The following TIGAR variants were observed in gnomAD, a reference collection of about 807,000 sequenced individuals.
TIGAR encodes fructose-2,6-bisphosphatase TIGAR.
In TIGAR, 7 loss-of-function variants were observed where a neutral mutation model predicts 17.9. That is an observed-to-expected ratio of 0.39 (90% CI 0.22 to 0.73). The LOEUF (loss-of-function observed/expected upper bound fraction) is 0.73. Ranked by LOEUF, TIGAR falls within the 30% of genes least tolerant of loss-of-function variation. The probability of loss-of-function intolerance (pLI) is 0.42; values close to 1 mark genes in which losing one functional copy is unlikely to be tolerated. For missense variants in TIGAR, 258 were observed against 327.4 expected, an observed-to-expected ratio of 0.79 and a Z score of 1.64; for synonymous variants, 94 against 108.6, an observed-to-expected ratio of 0.87 and a Z score of 0.84.
chr12:4,328,896 T>C (rs1591659541), intron 1 of TIGAR, among the ~76,000 whole-genome samples: 1 of 152,188 alleles, frequency 6.6e-6, no homozygotes, highest in East Asian at 1.9e-4. Context: ...ATTTTATTTC[T>C]TTATCATACG....
rs931643681 is a variant in TIGAR, at chr12:4,327,843, T to A, written c.33-3437T>A. Among the ~76,000 whole-genome samples the A allele has an allele frequency of 2.0e-5, 3 of 152,044 alleles. No homozygotes were observed. In the East Asian group the frequency reaches 5.8e-4, roughly 30 times the overall value. On this transcript the variant is annotated intron_variant, in intron 1 of 5. Transcript: ENST00000179259. ...CCACCACGCCCAGCTAATTTTTGTA[T>A]TTTTGGTAGAGACGGGGTTTCACCA...
At chr12:4,346,768 T>TAA (rs533728739) in intron 3 of TIGAR, among the ~76,000 whole-genome samples, 1 of 150,592 alleles carries the variant, frequency 6.6e-6, no homozygotes, top group Non-Finnish European at 1.5e-5. Context: ...AAATATATAT[T>TAA]AAAAAAAAAT....
chr12:4,349,781 ATTT>A (rs1864817862), intron 3 of TIGAR, 35 bp from the exon 4 acceptor site: 2 of 1,479,524 alleles, frequency 1.4e-6, no homozygotes, highest in Non-Finnish European at 1.9e-6. Context: ...AATGGTGATT[ATTT>A]TTATAAAGAA....
intron 3 of TIGAR, 31 bp from the exon 4 acceptor site, chr12:4,349,788 T>G (rs1864817937): frequency 2.0e-6 from 3 of 1,507,502 alleles, no homozygotes; most frequent in Admixed American, 4.0e-5. Context: ...ATTATTTTTA[T>G]AAAGAAAGAA....
intron 1 of TIGAR, among the ~76,000 whole-genome samples, chr12:4,322,360 G>A (rs899554398): frequency 6.6e-6 from 1 of 152,236 alleles, no homozygotes; most frequent in Non-Finnish European, 1.5e-5. Flanking sequence ...CTAAGAGCCA[G>A]GTAGCCTGGA....
chr12:4,356,172 T>G lies in TIGAR; in HGVS notation c.*3481T>G, dbSNP rs934791444. On this transcript the variant is annotated 3_prime_UTR_variant, in exon 6 of 6. Coordinates refer to ENST00000179259, the MANE Select transcript of TIGAR (RefSeq NM_020375.3). Reference sequence around the variant, plus strand: ...TTGGAGGCAGGGAAGATGGCAGCACTGGCTGTTGGGCCATTTGAAGAAGCA... The same window carrying G: ...TTGGAGGCAGGGAAGATGGCAGCACGGGCTGTTGGGCCATTTGAAGAAGCA... 1.1e-4 allele frequency among the ~76,000 whole-genome samples: 16 copies of G among 152,156 alleles called. No individual in the cohort carries two copies. The highest frequency in any genetic ancestry group is 3.6e-4 in the African/African-American group (15 of 41,434).
intron 5 of TIGAR, among the ~76,000 whole-genome samples, chr12:4,352,052 C>T (rs1376397722): frequency 1.3e-5 from 2 of 152,044 alleles, no homozygotes; most frequent in Non-Finnish European, 2.9e-5. Flanking sequence ...CTCCATGGTG[C>T]TTTTGTAATT....
chr12:4,321,378 G>A lies in TIGAR; in HGVS notation c.32+75G>A, dbSNP rs1335479028. The stretch of plus-strand genomic sequence containing the variant: ...GTTGGAGCGGGTGAAGGGAAAACGG[G>A]TCCACCACCCTCTCCCCTCCCTGCT... On this transcript the variant is annotated intron_variant, in intron 1 of 5. Coordinates refer to ENST00000179259, the MANE Select transcript of TIGAR (RefSeq NM_020375.3). The surrounding 1 kb of genome is among the most constrained non-coding windows in gnomAD (Gnocchi z 5.2). 8.8e-6 allele frequency: 14 copies of A among 1,582,902 alleles called. No individual in the cohort carries two copies. The highest frequency in any genetic ancestry group is 1.2e-5 in the Non-Finnish European group (14 of 1,167,144).
Position 4,357,919 on chromosome 12 carries a change from C to G in TIGAR, c.*5228C>G, listed in dbSNP as rs1341163310. Among the ~76,000 whole-genome samples, 1 of 151,586 alleles carries G rather than the reference C, an allele frequency of 6.6e-6. No individual in the cohort carries two copies. The highest frequency in any genetic ancestry group is 1.5e-5 in the Non-Finnish European group (1 of 67,930). ...GAGATAGAGACCATCCTGGCTAACA[C>G]AGTGAAACCTCGTCTCCACTGAAAA... is the stretch of plus-strand genomic sequence containing the variant. On this transcript the variant is annotated 3_prime_UTR_variant, in exon 6 of 6. Transcript: ENST00000179259.
intron 3 of TIGAR, among the ~76,000 whole-genome samples, chr12:4,348,143 A>G (rs902413108): frequency 1.3e-5 from 2 of 152,164 alleles, no homozygotes; most frequent in Non-Finnish European, 1.5e-5. Context: ...CTCAAAAAAA[A>G]AAGTCCCTTT....
At chr12:4,324,151 C>G (rs1273252214) in intron 1 of TIGAR, among the ~76,000 whole-genome samples, 1 of 152,166 alleles carries the variant, frequency 6.6e-6, no homozygotes, top group African/African-American at 2.4e-5. Flanking sequence ...TCAAGTCTAT[C>G]ATCATTGTCA....
intron 1 of TIGAR, among the ~76,000 whole-genome samples, chr12:4,324,213 C>T (rs1456451055): frequency 1.3e-5 from 2 of 152,066 alleles, no homozygotes; most frequent in South Asian, 2.1e-4. Context: ...AACTCCAACA[C>T]GTGTAGGTTG....
intron 5 of TIGAR, among the ~76,000 whole-genome samples, chr12:4,351,972 T>C (rs1864841988): frequency 6.6e-6 from 1 of 152,222 alleles, no homozygotes; most frequent in South Asian, 2.1e-4. Context: ...TGTTGGCTTG[T>C]AGATTTCCCT....
chr12:4,335,627 T>A (rs1864649810), intron 2 of TIGAR: 1 of 152,286 alleles, frequency 6.6e-6, no homozygotes, highest in African/African-American at 2.4e-5. Context: ...GGTACCCTCA[T>A]CTCAAACTTC....
At chr12:4,338,863 C>T (rs1489321373) in intron 3 of TIGAR, among the ~76,000 whole-genome samples, 1 of 150,436 alleles carries the variant, frequency 6.6e-6, no homozygotes, top group African/African-American at 2.4e-5. Context: ...GTAATCCCAG[C>T]TACTTAGCAG....
chr12:4,326,599 T>G (rs1864549140), intron 1 of TIGAR, among the ~76,000 whole-genome samples: 1 of 152,254 alleles, frequency 6.6e-6, no homozygotes, highest in Non-Finnish European at 1.5e-5. Flanking sequence ...GATATATGGC[T>G]AAATGAGTCC....
rs199840929 is a variant in TIGAR at position 4,338,975 on chromosome 12, C to CAAAAAAAAAAAAAA, written c.192+1816_192+1817insAAAAAAAAAAAAAA. Among the ~76,000 whole-genome samples, 30 of 38,182 alleles carry CAAAAAAAAAAAAAA rather than the reference C, an allele frequency of 7.9e-4. 7 individuals are homozygous for CAAAAAAAAAAAAAA. The East Asian group carries it at 8.6e-3, about 11-fold the overall frequency. 25.0% of individuals were successfully genotyped at this position (38,182 alleles called of 152,430 possible). On this transcript the variant is annotated intron_variant, in intron 3 of 5. Coordinates refer to ENST00000179259, the MANE Select transcript of TIGAR (RefSeq NM_020375.3). ...TGGGCAACAAAGCAAAACTTTGTCT[C>CAAAAAAAAAAAAAA]ACAAAAAAAAAAAAAAAAAAAAAGA...
At chr12:4,324,534 G>A (rs1864516829) in intron 1 of TIGAR, 5 of 1,609,266 alleles carry the variant, frequency 3.1e-6, no homozygotes, top group Non-Finnish European at 4.2e-6. Flanking sequence ...CGCCCACCAT[G>A]CTGCCCACCA....
At chr12:4,330,437 T>C (rs11063085) in intron 1 of TIGAR, among the ~76,000 whole-genome samples, 34,443 of 152,144 alleles carry the variant, frequency 0.23, 3,941 homozygotes, top group South Asian at 0.3. Flanking sequence ...GCATACCTTA[T>C]GGCCCAGCAA....
Sources: gnomAD v4.1 joint callset for allele counts (sites outside exome capture counted in the v4.1 genomes callset) on GRCh38, gnomAD v4.1.1 for gene constraint, Gnocchi (gnomAD v3.1) non-coding constraint, MANE v1.5 for transcripts, NCBI Gene and HGNC (gene_info 2026-07-23, HGNC 2026-07-21) for gene names.